CSMD1: variants seen among roughly 807,000 people sequenced by gnomAD.
CSMD1 encodes the protein CUB and sushi domain-containing protein 1.
CSMD1 carries 213 observed loss-of-function variants against 417.5 expected under a neutral mutation model. The ratio of observed to expected loss-of-function variants is 0.51; its 90% CI spans 0.46 to 0.57. CSMD1 has a LOEUF of 0.57. CSMD1 is among the 20% of genes least tolerant of loss of function. CSMD1 has a pLI of 0.00. For synonymous variants in CSMD1, 2,862 were observed against 1,736.8 expected, an observed-to-expected ratio of 1.65 and a Z score of -16.11; for missense variants, 6,923 against 4,529.7, an observed-to-expected ratio of 1.53 and a Z score of -15.17.
chr8:3,552,259 C>A (rs563474148), intron 10 of CSMD1, among the ~76,000 whole-genome samples: 12 of 151,938 alleles, frequency 7.9e-5, no homozygotes, highest in Admixed American at 7.2e-4. Context: ...TGTATCGACA[C>A]AGAAAGCTTG....
At chr8:4,047,683 TA>T (rs1274293205) in intron 3 of CSMD1, among the ~76,000 whole-genome samples, 1 of 152,088 alleles carries the variant, frequency 6.6e-6, no homozygotes, top group East Asian at 1.9e-4. Flanking sequence ...GAAACACCAT[TA>T]AAAAAATAAA....
chr8:4,384,685 C>G (rs528022617), intron 3 of CSMD1, among the ~76,000 whole-genome samples: 2 of 152,098 alleles, frequency 1.3e-5, no homozygotes, highest in Admixed American at 6.5e-5. Context: ...GCAACAGACA[C>G]GAGTGGGCCT....
intron 5 of CSMD1, among the ~76,000 whole-genome samples, chr8:3,778,772 T>C (rs1310248017): frequency 6.6e-6 from 1 of 152,216 alleles, no homozygotes; most frequent in Non-Finnish European, 1.5e-5. Flanking sequence ...TGTGATTGGG[T>C]ATCATGGAGC....
At chr8:3,710,074 A>G (rs1217881824) in intron 6 of CSMD1, among the ~76,000 whole-genome samples, 2 of 152,116 alleles carry the variant, frequency 1.3e-5, no homozygotes, top group Non-Finnish European at 2.9e-5. Flanking sequence ...GTTACTTAAC[A>G]TATAGACTCA....
At chr8:3,936,938 A>T (rs1396268979) in intron 5 of CSMD1, among the ~76,000 whole-genome samples, 3 of 152,198 alleles carry the variant, frequency 2.0e-5, no homozygotes, top group African/African-American at 7.2e-5. Context: ...TCATGGGAAG[A>T]GGTCAAAATA....
rs150562988 is a variant in CSMD1, at chr8:4,416,626, G to C, written c.415+3327C>G. On this transcript the variant is annotated intron_variant, in intron 3 of 69. Transcript: ENST00000635120. ...GAAGAATTCCTTTTTAAAATCTAAA[G>C]AGAAAAATATATAAAGTACATCAGA... 9.2e-5 allele frequency among the ~76,000 whole-genome samples: 14 copies of C among 152,102 alleles called. No individual in the cohort carries two copies. In the East Asian group the frequency reaches 2.7e-3, roughly 29 times the overall value.
chr8:3,347,961 G>C (rs375902161), intron 22 of CSMD1, 31 bp downstream of exon 22: 1 of 1,493,744 alleles, frequency 6.7e-7, no homozygotes, highest in East Asian at 2.4e-5. Flanking sequence ...AGAAAACTTG[G>C]AGTCATCATG....
intron 3 of CSMD1, among the ~76,000 whole-genome samples, chr8:4,347,686 T>C (rs1800852543): frequency 6.6e-6 from 1 of 152,178 alleles, no homozygotes; most frequent in Non-Finnish European, 1.5e-5. Flanking sequence ...ATGACTCCTA[T>C]TACTACAAAC....
chr8:4,368,170 A>C (rs563266330), intron 3 of CSMD1, among the ~76,000 whole-genome samples: 1 of 152,122 alleles, frequency 6.6e-6, no homozygotes, highest in Non-Finnish European at 1.5e-5. Flanking sequence ...ATATTCCTTC[A>C]ATGCCTAATT....
At chr8:4,007,127 C>T (rs1487264682) in intron 4 of CSMD1, among the ~76,000 whole-genome samples, 5 of 152,054 alleles carry the variant, frequency 3.3e-5, no homozygotes, top group East Asian at 1.9e-4. Flanking sequence ...TGTCAGCCAC[C>T]GAGCCTGGCC....
At chr8:3,729,119 G>A (rs954365296) in intron 6 of CSMD1, among the ~76,000 whole-genome samples, 8 of 152,196 alleles carry the variant, frequency 5.3e-5, no homozygotes, top group Non-Finnish European at 1.5e-5. Flanking sequence ...AGCTAAAGTA[G>A]ACAACTTTCA....
At chr8:4,873,944 C>G (rs1266667429) in intron 1 of CSMD1, among the ~76,000 whole-genome samples, 1 of 151,962 alleles carries the variant, frequency 6.6e-6, no homozygotes, top group Admixed American at 6.6e-5. Flanking sequence ...GGAAAAAAAG[C>G]AAGGAACTAT....
At chr8:3,574,027 G>C (rs1340837714) in intron 10 of CSMD1, among the ~76,000 whole-genome samples, 1 of 151,958 alleles carries the variant, frequency 6.6e-6, no homozygotes, top group Non-Finnish European at 1.5e-5. Context: ...TCTATCCTAA[G>C]ATTTAAAATG....
At chr8:3,345,005 T>C (rs1041347356) in intron 22 of CSMD1, among the ~76,000 whole-genome samples, 5 of 152,182 alleles carry the variant, frequency 3.3e-5, no homozygotes, top group Admixed American at 3.3e-4. Flanking sequence ...ATGGTTTTAA[T>C]TCCAGAGGAA....
At chr8:4,198,842 G>A (rs531576936) in intron 3 of CSMD1, among the ~76,000 whole-genome samples, 3 of 152,122 alleles carry the variant, frequency 2.0e-5, no homozygotes, top group Middle Eastern at 3.4e-3. Context: ...CATCTCAGGA[G>A]AGACAGCGCA....
At chr8:3,101,123 G>A (rs1034802574) in intron 46 of CSMD1, among the ~76,000 whole-genome samples, 1 of 151,090 alleles carries the variant, frequency 6.6e-6, no homozygotes, top group Non-Finnish European at 1.5e-5. Flanking sequence ...AAGGTCCACA[G>A]GATGAAGAAA....
chr8:4,703,739 TTTAC>T, intron 1 of CSMD1, among the ~76,000 whole-genome samples: 1 of 152,144 alleles, frequency 6.6e-6, no homozygotes, highest in East Asian at 1.9e-4. Flanking sequence ...TTAAAGTGAT[TTTAC>T]TAAAATCCAG....
At chr8:3,957,056 G>A (rs1585031861) in intron 5 of CSMD1, among the ~76,000 whole-genome samples, 1 of 152,112 alleles carries the variant, frequency 6.6e-6, no homozygotes, top group African/African-American at 2.4e-5. Flanking sequence ...AAATAACGTA[G>A]GAGACAAAAA....
At position 3,861,334 on chromosome 8, in the gene CSMD1, C is replaced by T. The variant is rs189425331; in HGVS notation, c.819-107292G>A. Among the ~76,000 whole-genome samples the T allele has an allele frequency of 1.6e-4, 24 of 152,312 alleles. No homozygotes were observed. The East Asian group carries it at 4.2e-3, about 27-fold the overall frequency. On this transcript the variant is annotated intron_variant, in intron 5 of 69. Coordinates refer to ENST00000635120, the MANE Select transcript of CSMD1 (RefSeq NM_033225.6). ...ATTTTATCTTGGCTGGCATAACTGCCGGGCTCCACAACTCTGATAAAAGTA... is the reference window on the plus strand; with the variant it reads ...ATTTTATCTTGGCTGGCATAACTGCTGGGCTCCACAACTCTGATAAAAGTA...
Sources: gnomAD v4.1 joint callset for allele counts (sites outside exome capture counted in the v4.1 genomes callset) on GRCh38, gnomAD v4.1.1 for gene constraint, MANE v1.5 for transcripts, NCBI Gene and HGNC (gene_info 2026-07-23, HGNC 2026-07-21) for gene names.